Variants in HDHD2 observed in about 807,000 individuals in gnomAD.
HDHD2 encodes the protein haloacid dehalogenase-like hydrolase domain-containing protein 2.
In HDHD2, 26 loss-of-function variants were observed where a neutral mutation model predicts 24.8. The observed-to-expected ratio is 1.05, with a 90% CI of 0.77 to 1.45. The LOEUF is 1.45. Ranked by LOEUF, HDHD2 falls within the 40% of genes most tolerant of loss-of-function variation. HDHD2 has a pLI of 0.00. For synonymous variants in HDHD2, 128 were observed against 114.9 expected (o/e 1.11, Z -0.73); for missense variants, 299 against 313.4 (o/e 0.95, Z 0.35).
chr18:47,146,830 T>C (rs544824111), intron 1 of HDHD2, among the ~76,000 whole-genome samples: 2 of 152,192 alleles, frequency 1.3e-5, no homozygotes, highest in South Asian at 4.2e-4. Context: ...AAGGGAATGA[T>C]TACCACAAGA....
At chr18:47,128,870 T>C (rs16958701) in intron 4 of HDHD2, among the ~76,000 whole-genome samples, 10,344 of 152,284 alleles carry the variant, frequency 0.068, 433 homozygotes, top group East Asian at 0.13. Flanking sequence ...TGTGTGAACC[T>C]GGGTAGTGAG....
At chr18:47,128,770 G>C (rs555481499) in intron 4 of HDHD2, among the ~76,000 whole-genome samples, 1 of 152,132 alleles carries the variant, frequency 6.6e-6, no homozygotes, top group African/African-American at 2.4e-5. Flanking sequence ...CACGGTAAAC[G>C]GTGGCTGTTC....
chr18:47,109,907 C>T, intron 6 of HDHD2: 1 of 859,972 alleles, frequency 1.2e-6, no homozygotes, highest in Non-Finnish European at 1.4e-6. Context: ...AAGTACCTAA[C>T]ATAGTGACTA....
At chr18:47,109,913 G>T in intron 6 of HDHD2, 1 of 878,062 alleles carries the variant, frequency 1.1e-6, no homozygotes. Flanking sequence ...CTAACATAGT[G>T]ACTAGCACAT....
chr18:47,149,450 C>T (rs16948928), intron 1 of HDHD2, among the ~76,000 whole-genome samples: 8,180 of 152,152 alleles, frequency 0.054, 276 homozygotes, highest in East Asian at 0.13. Context: ...CCAGTTAAAA[C>T]TCTTCCAGTG....
chr18:47,136,285 G>A (rs2063765152), intron 2 of HDHD2, 54 bp downstream of exon 2: 1 of 1,605,718 alleles, frequency 6.2e-7, no homozygotes, highest in Non-Finnish European at 8.5e-7. Context: ...GATCTGCCGT[G>A]GTAAAATGGC....
chr18:47,124,963 G>A (rs1417442680), intron 4 of HDHD2, among the ~76,000 whole-genome samples: 3 of 152,088 alleles, frequency 2.0e-5, no homozygotes, highest in African/African-American at 7.2e-5. Flanking sequence ...TCAGGAGTTT[G>A]AGAACAGCCA....
At chr18:47,144,456 T>G (rs913119644) in intron 1 of HDHD2, among the ~76,000 whole-genome samples, 25 of 152,156 alleles carry the variant, frequency 1.6e-4, no homozygotes, top group Non-Finnish European at 1.6e-4. Flanking sequence ...TGCAGAGAAT[T>G]TGGAACCATA....
intron 1 of HDHD2, among the ~76,000 whole-genome samples, chr18:47,148,884 G>C: frequency 6.6e-6 from 1 of 152,186 alleles, no homozygotes; most frequent in East Asian, 1.9e-4. Flanking sequence ...TTAAGGACAA[G>C]AACAAAGGAG....
chr18:47,134,554 C>T lies in HDHD2; in HGVS notation c.252G>A (p.Glu84=). 6.2e-7 allele frequency: 1 copy of T among 1,614,146 alleles called. No homozygotes were observed. The highest frequency in any genetic ancestry group is 1.1e-5 in the South Asian group (1 of 91,076). ...TSLTAARSLL[E]RKQVRPMLLV... ...GCAGCATGGGTCTGACTTGTTTCCGCTCTAGTAAACTTCTGGCTGCAGTCA... is the reference window on the plus strand; with the variant it reads ...GCAGCATGGGTCTGACTTGTTTCCGTTCTAGTAAACTTCTGGCTGCAGTCA... The change falls in exon 3 of 7, where the codon GAG becomes GAA. Residue 84 remains glutamate (E), a synonymous_variant. Coordinates refer to ENST00000300605, the MANE Select transcript of HDHD2 (RefSeq NM_032124.5).
intron 3 of HDHD2, among the ~76,000 whole-genome samples, chr18:47,134,147 A>G (rs55717985): frequency 0.026 from 4,001 of 152,332 alleles, 61 homozygotes; most frequent in Non-Finnish European, 0.041. Flanking sequence ...GTGATCTATT[A>G]TTAGACTGTA....
At chr18:47,130,919 T>C (rs1328071487) in intron 3 of HDHD2, among the ~76,000 whole-genome samples, 1 of 152,248 alleles carries the variant, frequency 6.6e-6, no homozygotes, top group Non-Finnish European at 1.5e-5. Flanking sequence ...TGGCATCTTA[T>C]AACAGAACTT....
At chr18:47,147,881 G>A (rs897637720) in intron 1 of HDHD2, among the ~76,000 whole-genome samples, 1 of 152,092 alleles carries the variant, frequency 6.6e-6, no homozygotes, top group African/African-American at 2.4e-5. Context: ...ATAAAATTGA[G>A]GTGCCCCACT....
intron 1 of HDHD2, chr18:47,149,228 T>A (rs1224418767): frequency 6.6e-6 from 1 of 152,104 alleles, no homozygotes; most frequent in Admixed American, 6.6e-5. Context: ...AGAAAACACA[T>A]CTAAATATAT....
chr18:47,122,631 G>T (rs1467792837), intron 4 of HDHD2, among the ~76,000 whole-genome samples: 1 of 152,010 alleles, frequency 6.6e-6, no homozygotes, highest in East Asian at 1.9e-4. Context: ...TAAAACTAGT[G>T]AATCATGAAA....
chr18:47,110,366 G>A (rs973784096), intron 6 of HDHD2: 7 of 985,224 alleles, frequency 7.1e-6, no homozygotes, highest in Admixed American at 1.2e-4. Flanking sequence ...CATGGTCCCC[G>A]CAGCAAGCTC....
chr18:47,120,480 G>A (rs2063595495), intron 4 of HDHD2, among the ~76,000 whole-genome samples: 1 of 152,130 alleles, frequency 6.6e-6, no homozygotes, highest in Admixed American at 6.6e-5. Flanking sequence ...TGTCTTAAGG[G>A]AATTTTGTGG....
At chr18:47,115,427 A>T in intron 4 of HDHD2, 79 bp from the exon 5 acceptor site, 1 of 975,682 alleles carries the variant, frequency 1.0e-6, no homozygotes, top group Non-Finnish European at 1.6e-6. Context: ...CAGACTTACA[A>T]AGTGGCTGTA....
intron 1 of HDHD2, among the ~76,000 whole-genome samples, chr18:47,139,491 A>C (rs1409232849): frequency 6.7e-6 from 1 of 148,382 alleles, no homozygotes; most frequent in Non-Finnish European, 1.5e-5. Flanking sequence ...AAAAAAAAAA[A>C]ATCCTTTGTA....
Sources: allele counts gnomAD v4.1 joint callset (sites outside exome capture counted in the v4.1 genomes callset), GRCh38; gene constraint gnomAD v4.1.1; transcripts MANE v1.5; gene names NCBI Gene and HGNC (gene_info 2026-07-23, HGNC 2026-07-21).